The following CD8A variants were observed in gnomAD, a reference collection of about 807,000 sequenced individuals.
CD8A encodes CD8 subunit alpha, also known as T-cell surface glycoprotein CD8 alpha chain.
Under a neutral mutation model 24.2 loss-of-function variants are expected in CD8A, and 25 were observed. The ratio of observed to expected loss-of-function variants is 1.03; its 90% CI spans 0.75 to 1.44. CD8A has a LOEUF of 1.44. CD8A is among the 40% of genes most tolerant of loss of function. The pLI, the probability that CD8A is intolerant of heterozygous loss-of-function variation, is 0.00. For synonymous variants in CD8A, 165 were observed against 149.9 expected (o/e 1.10, Z -0.74); for missense variants, 360 against 319.7 (o/e 1.13, Z -0.96).
intron 4 of CD8A, 115 bp downstream of exon 4, chr2:86,789,208 G>T (rs1385080096): frequency 6.5e-6 from 5 of 764,838 alleles, no homozygotes; most frequent in Non-Finnish European, 1.2e-5. Context: ...GGGCAGCTCG[G>T]GAGTCCCAGA....
At chr2:86,790,192 G>A in intron 2 of CD8A, 136 bp downstream of exon 2, 1 of 725,212 alleles carries the variant, frequency 1.4e-6, no homozygotes, top group Non-Finnish European at 2.5e-6. Flanking sequence ...AGTTTGCTGT[G>A]TCTGTGAAAT....
At chr2:86,794,618 CCTT>C (rs1244841632), upstream of CD8A, among the ~76,000 whole-genome samples, 2 of 152,186 alleles carry the variant, frequency 1.3e-5, no homozygotes, top group Non-Finnish European at 2.9e-5. Flanking sequence ...TAGCTGCTGT[CCTT>C]CTTTCCTGGA....
intron 3 of CD8A, among the ~76,000 whole-genome samples, chr2:86,798,379 T>C (rs1673550384): frequency 6.6e-6 from 1 of 152,048 alleles, no homozygotes; most frequent in Non-Finnish European, 1.5e-5. Context: ...TTCTCCATGT[T>C]GGTCAGGCTG....
At chr2:86,791,148 T>C (rs1673292021), upstream of CD8A, 3 of 599,680 alleles carry the variant, frequency 5.0e-6, no homozygotes, top group Middle Eastern at 3.9e-4. Context: ...TGGAAATGGT[T>C]GTCTTGTGAG....
chr2:86,796,455 G>A (rs1361809689), intron 3 of CD8A, among the ~76,000 whole-genome samples: 4 of 152,216 alleles, frequency 2.6e-5, no homozygotes, highest in African/African-American at 9.6e-5. Context: ...CAGGAAGCTA[G>A]GATGTTTGAA....
At chr2:86,803,878 T>G (rs1673754380) in intron 2 of CD8A, among the ~76,000 whole-genome samples, 1 of 152,030 alleles carries the variant, frequency 6.6e-6, no homozygotes, top group Non-Finnish European at 1.5e-5. Context: ...GTCAAATATA[T>G]AGAGAATAAA....
rs10628397 is a variant in CD8A, at chr2:86,785,276, TA to T, written c.*643del. On this transcript the variant is annotated 3_prime_UTR_variant, in exon 6 of 6. Coordinates refer to ENST00000283635, the MANE Select transcript of CD8A (RefSeq NM_001768.7). Reference sequence around the variant, plus strand: ...GTCTATACAATTTTAGGCTTGATTATAAAAAAAAAAAGTCTGATATTGTTTA... The same window carrying T: ...GTCTATACAATTTTAGGCTTGATTATAAAAAAAAAAGTCTGATATTGTTTA... The T allele has an allele frequency of 0.014, 4,433 of 307,034 alleles. 4 individuals are homozygous for T. Among genetic ancestry groups the T allele is most frequent in the South Asian group, 0.029 (969 of 33,656 alleles). 19.0% of individuals were successfully genotyped at this position (307,034 alleles called of 1,614,324 possible). A position where few individuals can be genotyped will look rare whatever the true frequency, so the allele number is the denominator to read the frequency against.
chr2:86,784,880 A>G lies in CD8A; in HGVS notation c.*1040T>C. 2 of 454,066 alleles carry G rather than the reference A, an allele frequency of 4.4e-6. No homozygotes were observed. The highest frequency in any genetic ancestry group is 3.1e-5 in the South Asian group (2 of 64,478). 28.1% of individuals were successfully genotyped at this position (454,066 alleles called of 1,614,324 possible). On this transcript the variant is annotated 3_prime_UTR_variant, in exon 6 of 6. Transcript: ENST00000283635. ...TTAAGCAAGGAAGTGCATGTTTGGG[A>G]CAGCAGTTTGGGCTCTCAGCCTCCT...
chr2:86,797,594 TG>T (rs755984288), intron 3 of CD8A, among the ~76,000 whole-genome samples: 9 of 152,294 alleles, frequency 5.9e-5, no homozygotes, highest in Non-Finnish European at 1.2e-4. Flanking sequence ...AGGGGCAGCA[TG>T]GGGACTTGTG....
At chr2:86,787,389 CAAACTCCAGGTATAAAATGT>C (rs1208694558) in intron 5 of CD8A, among the ~76,000 whole-genome samples, 1 of 152,018 alleles carries the variant, frequency 6.6e-6, no homozygotes, top group African/African-American at 2.4e-5. Context: ...GTATAAAATG[CAAACTCCAGGTATAAAATGT>C]AAAATATTTC....
At chr2:86,787,898 A>AGAGAGAGAGAGTGTGTGTGTGTGTGTGT (rs369993109) in intron 5 of CD8A, among the ~76,000 whole-genome samples, 5 of 144,598 alleles carry the variant, frequency 3.5e-5, no homozygotes, top group African/African-American at 1.3e-4. Context: ...AGAGAGAGAG[A>AGAGAGAGAGAGTGTGTGTGTGTGTGTGT]GTGTGTGTGT....
chr2:86,789,990 G>T lies in CD8A; in HGVS notation c.404-240C>A, dbSNP rs566003588. 4.4e-4 allele frequency among the ~76,000 whole-genome samples: 67 copies of T among 152,302 alleles called. 3 individuals carry two copies. The East Asian group carries it at 0.011, about 24-fold the overall frequency. On this transcript the variant is annotated intron_variant, in intron 2 of 5. Transcript: ENST00000283635. ...CGCAGGAGCCAGCTCCCCTGCACCT[G>T]GCCTCTCTCCCGGGCTGAACCAGCA...
In CD8A at chr2:86,790,350, G is replaced by A; in HGVS notation, c.381C>T (p.His127=). Residue 127 remains histidine (H), a synonymous_variant, in exon 2 of 6, where the codon CAC becomes CAT. Transcript: ENST00000283635. Reference sequence around the variant, plus strand: ...GACCTGGCAGGAAGACCGGCACGAAGTGGCTGAAGTACATGATGGAGTTGC... The same window carrying A: ...GACCTGGCAGGAAGACCGGCACGAAATGGCTGAAGTACATGATGGAGTTGC... ...ALSNSIMYFS[H]FVPVFLPAKP... 4.3e-6 allele frequency: 7 copies of A among 1,613,976 alleles called. No individual in the cohort carries two copies. The highest frequency in any genetic ancestry group is 5.9e-6 in the Non-Finnish European group (7 of 1,179,906).
chr2:86,807,172 A>G (rs1234828089), intron 2 of CD8A, among the ~76,000 whole-genome samples: 2 of 152,056 alleles, frequency 1.3e-5, no homozygotes, highest in Non-Finnish European at 2.9e-5. Flanking sequence ...AAAATAAAAA[A>G]AAAAGCCAGC....
At chr2:86,791,212 T>TAGGC, upstream of CD8A, 1 of 432,840 alleles carries the variant, frequency 2.3e-6, no homozygotes, top group Admixed American at 3.1e-5. Context: ...AGGGCGAGAG[T>TAGGC]AGGCAGCAAA....
chr2:86,792,947 C>T (rs1015532887), upstream of CD8A, among the ~76,000 whole-genome samples: 2 of 151,994 alleles, frequency 1.3e-5, no homozygotes, highest in African/African-American at 4.8e-5. Context: ...GACAACAGTG[C>T]AATATATTCT....
intron 2 of CD8A, among the ~76,000 whole-genome samples, chr2:86,806,426 GCT>G (rs1673899840): frequency 6.6e-6 from 1 of 152,228 alleles, no homozygotes; most frequent in African/African-American, 2.4e-5. Context: ...GAAGTCAAGG[GCT>G]CTCTCCTCCC....
chr2:86,793,483 T>A (rs1001624426), upstream of CD8A, among the ~76,000 whole-genome samples: 2 of 152,154 alleles, frequency 1.3e-5, no homozygotes, highest in Non-Finnish European at 2.9e-5. Context: ...GTCCCTCAAC[T>A]CACATGAATG....
chr2:86,789,243 C>T, intron 4 of CD8A, 80 bp downstream of exon 4: 2 of 941,980 alleles, frequency 2.1e-6, no homozygotes, highest in Non-Finnish European at 3.5e-6. Context: ...GCTCCCCCCT[C>T]GCAAGGTCCG....
Sources: allele counts gnomAD v4.1 joint callset (sites outside exome capture counted in the v4.1 genomes callset), GRCh38; gene constraint gnomAD v4.1.1; transcripts MANE v1.5; gene names NCBI Gene and HGNC (gene_info 2026-07-23, HGNC 2026-07-21).